The following CDH18 variants were observed in gnomAD, a reference collection of about 807,000 sequenced individuals.
CDH18 encodes the protein cadherin-18.
In CDH18, 31 loss-of-function variants were observed where a neutral mutation model predicts 67.9. The ratio of observed to expected loss-of-function variants is 0.46; its 90% CI spans 0.34 to 0.62. CDH18 has a LOEUF of 0.62. Ranked by LOEUF, CDH18 falls within the 20% of genes least tolerant of loss-of-function variation. The pLI is 0.01. For synonymous variants in CDH18, 362 were observed against 347.2 expected, an observed-to-expected ratio of 1.04 and a Z score of -0.48; for missense variants, 890 against 975.5, an observed-to-expected ratio of 0.91 and a Z score of 1.17.
At chr5:19,919,303 A>T (rs1792179798) in intron 2 of CDH18, among the ~76,000 whole-genome samples, 1 of 152,266 alleles carries the variant, frequency 6.6e-6, no homozygotes, top group South Asian at 2.1e-4. Flanking sequence ...ATAGGTCAAC[A>T]TCAATTAAAT....
chr5:19,482,422 T>G (rs1027779013), intron 12 of CDH18, among the ~76,000 whole-genome samples: 2 of 152,126 alleles, frequency 1.3e-5, no homozygotes, highest in African/African-American at 4.8e-5. Context: ...GGCCAAAAAT[T>G]ATTGTTTTTA....
intron 1 of CDH18, chr5:20,304,184 T>A: frequency 2.0e-6 from 3 of 1,525,870 alleles, no homozygotes; most frequent in Non-Finnish European, 2.7e-6. Context: ...AATAAAAACG[T>A]TATTTTTCCC....
At chr5:20,242,612 AT>A (rs1159932649) in intron 2 of CDH18, among the ~76,000 whole-genome samples, 26 of 49,380 alleles carry the variant, frequency 5.3e-4, no homozygotes, top group Admixed American at 1.7e-3. Flanking sequence ...AAAAAAAAAA[AT>A]ATATATATAT....
chr5:19,967,189 T>C (rs1797532466), intron 2 of CDH18, among the ~76,000 whole-genome samples: 2 of 152,128 alleles, frequency 1.3e-5, no homozygotes, highest in African/African-American at 4.8e-5. Flanking sequence ...ACGATATTGA[T>C]GTGATAGTTA....
intron 1 of CDH18, among the ~76,000 whole-genome samples, chr5:20,357,538 G>A (rs1294052224): frequency 6.6e-6 from 1 of 151,904 alleles, no homozygotes; most frequent in African/African-American, 2.4e-5. Flanking sequence ...TATAAGAGCG[G>A]CCAAAAAACA....
intron 7 of CDH18, among the ~76,000 whole-genome samples, chr5:19,587,190 T>C (rs1373007770): frequency 6.6e-6 from 1 of 152,180 alleles, no homozygotes; most frequent in African/African-American, 2.4e-5. Context: ...TTTCTTTTAC[T>C]GTGAAGAAGC....
intron 1 of CDH18, among the ~76,000 whole-genome samples, chr5:20,288,014 T>C (rs555805068): frequency 2.0e-5 from 3 of 151,884 alleles, no homozygotes; most frequent in African/African-American, 7.2e-5. Flanking sequence ...AGGTCAGAAA[T>C]GAAACACATC....
At chr5:19,691,253 T>C (rs973860479) in intron 5 of CDH18, among the ~76,000 whole-genome samples, 6 of 151,718 alleles carry the variant, frequency 4.0e-5, no homozygotes, top group Non-Finnish European at 1.5e-5. Context: ...ACACATCTTA[T>C]AGGTCATATA....
chr5:19,551,276 T>G (rs1189825483), intron 8 of CDH18, among the ~76,000 whole-genome samples: 2 of 152,186 alleles, frequency 1.3e-5, no homozygotes, highest in African/African-American at 4.8e-5. Flanking sequence ...ACACCTACAT[T>G]CTTTCTCTCT....
At chr5:19,537,209 G>C (rs1250983038) in intron 9 of CDH18, among the ~76,000 whole-genome samples, 2 of 152,202 alleles carry the variant, frequency 1.3e-5, no homozygotes, top group South Asian at 2.1e-4. Flanking sequence ...CCCAGTGACA[G>C]AGAATTCTCC....
At chr5:19,785,651 T>C (rs1775627649) in intron 3 of CDH18, among the ~76,000 whole-genome samples, 1 of 11,222 alleles carries the variant, frequency 8.9e-5, no homozygotes. Flanking sequence ...CAAAACTCTG[T>C]CTCAAAAAAA....
chr5:19,742,267 T>C (rs2150706711), intron 4 of CDH18, among the ~76,000 whole-genome samples: 1 of 152,276 alleles, frequency 6.6e-6, no homozygotes, highest in South Asian at 2.1e-4. Flanking sequence ...AACAATAATC[T>C]GATAAAATCT....
intron 1 of CDH18, among the ~76,000 whole-genome samples, chr5:19,983,186 T>G (rs1008796389): frequency 6.6e-6 from 1 of 152,140 alleles, no homozygotes; most frequent in Admixed American, 6.5e-5. Flanking sequence ...CTAGATATTT[T>G]TATTTAAAAT....
At chr5:19,682,799 G>A (rs868414765) in intron 5 of CDH18, among the ~76,000 whole-genome samples, 28 of 152,096 alleles carry the variant, frequency 1.8e-4, no homozygotes, top group Admixed American at 3.3e-4. Context: ...CTTTATATAT[G>A]CAGGACATGA....
intron 1 of CDH18, among the ~76,000 whole-genome samples, chr5:20,554,464 T>C (rs747015007): frequency 3.9e-5 from 6 of 152,256 alleles, no homozygotes; most frequent in Non-Finnish European, 8.8e-5. Context: ...TCTTAAATCA[T>C]TGAAATCTTA....
chr5:19,505,917 G>A (rs1448225823), intron 10 of CDH18, among the ~76,000 whole-genome samples: 46 of 152,078 alleles, frequency 3.0e-4, no homozygotes, highest in Admixed American at 3.0e-3. Flanking sequence ...TTGTACCTCT[G>A]GTAGAATTTG....
chr5:20,426,716 A>G (rs1748330182), intron 1 of CDH18, among the ~76,000 whole-genome samples: 2 of 151,116 alleles, frequency 1.3e-5, no homozygotes, highest in African/African-American at 2.5e-5. Context: ...GATCTCTGTC[A>G]CTTCTAAAAA....
At chr5:20,523,149 C>T (rs570660578) in intron 1 of CDH18, among the ~76,000 whole-genome samples, 3 of 152,300 alleles carry the variant, frequency 2.0e-5, no homozygotes, top group South Asian at 4.1e-4. Flanking sequence ...AATCTCATTT[C>T]AATCACTATC....
intron 1 of CDH18, among the ~76,000 whole-genome samples, chr5:20,364,821 T>C (rs1370895495): frequency 2.0e-5 from 3 of 152,194 alleles, no homozygotes; most frequent in African/African-American, 7.2e-5. Context: ...ACAATGTACA[T>C]GCATAAATAG....
Sources: allele counts gnomAD v4.1 joint callset (sites outside exome capture counted in the v4.1 genomes callset), GRCh38; gene constraint gnomAD v4.1.1; transcripts MANE v1.5; gene names NCBI Gene and HGNC (gene_info 2026-07-23, HGNC 2026-07-21).